Variants in KIF6 observed in about 807,000 individuals in gnomAD.
The protein encoded by KIF6 is kinesin-like protein KIF6.
In KIF6, 106 loss-of-function variants were observed where a neutral mutation model predicts 112.7. That is an observed-to-expected ratio of 0.94 (90% CI 0.80 to 1.11). The LOEUF is 1.11. Among genes scored for constraint, KIF6 ranks in the 50% least tolerant of loss-of-function variants. The pLI is 0.00. For synonymous variants in KIF6, 339 were observed against 339.9 expected (o/e 1.00, Z 0.03); for missense variants, 929 against 964.0 (o/e 0.96, Z 0.48).
At chr6:39,689,806 T>C (rs1788082411) in intron 3 of KIF6, among the ~76,000 whole-genome samples, 1 of 152,134 alleles carries the variant, frequency 6.6e-6, no homozygotes, top group Admixed American at 6.5e-5. Flanking sequence ...TGTCTTGCTA[T>C]GTTGCCCAGG....
At chr6:39,389,109 T>C (rs1263343658) in intron 15 of KIF6, among the ~76,000 whole-genome samples, 2 of 152,180 alleles carry the variant, frequency 1.3e-5, no homozygotes, top group South Asian at 2.1e-4. Context: ...GAGCAGGGTA[T>C]GTGGAGGTGG....
At chr6:39,687,661 T>G (rs1275860202) in intron 3 of KIF6, among the ~76,000 whole-genome samples, 1 of 152,198 alleles carries the variant, frequency 6.6e-6, no homozygotes, top group Admixed American at 6.5e-5. Flanking sequence ...AGTATAAATA[T>G]TCCTAAAGCA....
chr6:39,642,353 A>G (rs921612130), intron 3 of KIF6, among the ~76,000 whole-genome samples: 2 of 152,282 alleles, frequency 1.3e-5, no homozygotes, highest in Admixed American at 1.3e-4. Flanking sequence ...TTTAACTTCA[A>G]CATTCCCAGC....
At chr6:39,704,748 G>A (rs909803517) in intron 3 of KIF6, among the ~76,000 whole-genome samples, 1 of 152,198 alleles carries the variant, frequency 6.6e-6, no homozygotes, top group Non-Finnish European at 1.5e-5. Flanking sequence ...CTTAGTCAAT[G>A]TGTTATATGG....
intron 10 of KIF6, among the ~76,000 whole-genome samples, chr6:39,565,192 A>C (rs1780214043): frequency 7.4e-6 from 1 of 134,910 alleles, no homozygotes; most frequent in Admixed American, 7.4e-5. Flanking sequence ...TGATCTATAC[A>C]GACAGTTATT....
At position 39,510,151 on chromosome 6, in the gene KIF6, C is replaced by T. The variant is rs572804790; in HGVS notation, c.1645+29852G>A. ...CACTGTCACCCAGGCTGGAGTGCAG[C>T]GGCATGATCTTGGCTCACTGCAAGC... On this transcript the variant is annotated intron_variant, in intron 13 of 22. Coordinates refer to ENST00000287152, the MANE Select transcript of KIF6 (RefSeq NM_145027.6). 6.7e-5 allele frequency among the ~76,000 whole-genome samples: 10 copies of T among 149,082 alleles called. No individual in the cohort carries two copies. In the South Asian group the frequency reaches 1.1e-3, roughly 16 times the overall value.
rs190636730 is a variant in KIF6, at chr6:39,447,986, C to T, written c.1646-16825G>A. On this transcript the variant is annotated intron_variant, in intron 13 of 22. Transcript: ENST00000287152. ...CTGCTACTGGTCAGCGGGCTGTGAG[C>T]GGCAGTGATACGTTTCTTCCTGGCT... Among the ~76,000 whole-genome samples, 13 of 152,190 alleles carry T rather than the reference C, an allele frequency of 8.5e-5. 1 individual carries two copies. In the East Asian group the frequency reaches 1.4e-3, roughly 16 times the overall value.
At chr6:39,631,423 T>G (rs1374011254) in intron 5 of KIF6, among the ~76,000 whole-genome samples, 1 of 152,120 alleles carries the variant, frequency 6.6e-6, no homozygotes, top group African/African-American at 2.4e-5. Context: ...TGTAGGATTT[T>G]GTAGATGCTC....
intron 5 of KIF6, among the ~76,000 whole-genome samples, chr6:39,621,728 T>G (rs981154729): frequency 2.0e-5 from 3 of 152,220 alleles, no homozygotes; most frequent in Admixed American, 1.3e-4. Flanking sequence ...TCCAAAAATG[T>G]TATACTGATT....
Position 39,342,471 on chromosome 6 carries a change from T to G in KIF6, c.2428+1238A>C. ...CCAGCACTAGTAGTAGTGCCTGGCA[T>G]AAGAAGGCACCCAACATATACAGTG... On this transcript the variant is annotated intron_variant, in intron 22 of 22. Transcript: ENST00000287152. The surrounding 1 kb of genome is among the most constrained non-coding windows in gnomAD (Gnocchi z 4.7). 6.6e-6 allele frequency among the ~76,000 whole-genome samples: 1 copy of G among 152,202 alleles called. No individual in the cohort carries two copies. The highest frequency in any genetic ancestry group is 1.9e-4 in the East Asian group (1 of 5,200).
intron 13 of KIF6, among the ~76,000 whole-genome samples, chr6:39,455,555 G>T (rs1283741366): frequency 6.6e-6 from 1 of 152,046 alleles, no homozygotes; most frequent in South Asian, 2.1e-4. Flanking sequence ...GAAGGCTTCA[G>T]ACGATCAAAT....
chr6:39,367,464 G>A (rs907001011), intron 16 of KIF6, among the ~76,000 whole-genome samples: 1 of 152,168 alleles, frequency 6.6e-6, no homozygotes, highest in Non-Finnish European at 1.5e-5. Flanking sequence ...TCTGTGGGGA[G>A]GCAGCTGCCT....
intron 3 of KIF6, among the ~76,000 whole-genome samples, chr6:39,643,677 C>T (rs908580071): frequency 5.9e-5 from 9 of 152,004 alleles, no homozygotes; most frequent in African/African-American, 2.2e-4. Context: ...TAACTCAAAA[C>T]GAATCACAGA....
In KIF6 at chr6:39,693,551, A is replaced by G. The variant is rs184478529; in HGVS notation, c.251+21141T>C. On this transcript the variant is annotated intron_variant, in intron 3 of 22. Coordinates refer to ENST00000287152, the MANE Select transcript of KIF6 (RefSeq NM_145027.6). The stretch of plus-strand genomic sequence containing the variant: ...CTACTATGAACATCTCTATGCACAT[A>G]AACTAGAAAATCTAGAGAAAATAGA... Among the ~76,000 whole-genome samples, 157 of 152,328 alleles carry G rather than the reference A, an allele frequency of 1.0e-3. 1 individual carries two copies. The highest frequency in any genetic ancestry group is 0.01 in the Middle Eastern group (3 of 294).
At chr6:39,555,626 T>C (rs1779663820) in intron 10 of KIF6, among the ~76,000 whole-genome samples, 1 of 152,064 alleles carries the variant, frequency 6.6e-6, no homozygotes, top group African/African-American at 2.4e-5. Context: ...CATTTACCTT[T>C]ATTTAGAGCC....
chr6:39,419,910 G>A lies in KIF6; in HGVS notation c.1810+38C>T, dbSNP rs369573612. ...ATGACCTGATTTTCACCAGGAAAAT[G>A]GTTTCTGAAAGAGGCTCACAGAATA... is the stretch of plus-strand genomic sequence containing the variant. On this transcript the variant is annotated intron_variant, in intron 15 of 22. Coordinates refer to ENST00000287152, the MANE Select transcript of KIF6 (RefSeq NM_145027.6). 31 of 1,554,454 alleles carry A rather than the reference G, an allele frequency of 2.0e-5. No homozygotes were observed. In the African/African-American group the frequency reaches 2.6e-4, roughly 13 times the overall value.
chr6:39,357,543 G>A (rs1480333018), intron 18 of KIF6, among the ~76,000 whole-genome samples, 169 bp from the exon 19 acceptor site: 1 of 151,652 alleles, frequency 6.6e-6, no homozygotes, highest in African/African-American at 2.4e-5. Flanking sequence ...CTGCCTTCTG[G>A]GTTCAAGCAA....
intron 2 of KIF6, among the ~76,000 whole-genome samples, chr6:39,715,145 A>T (rs1789759533): frequency 6.6e-6 from 1 of 152,270 alleles, no homozygotes; most frequent in Admixed American, 6.5e-5. Context: ...ACAGCCAAGG[A>T]ACTTCTAATA....
intron 15 of KIF6, 89 bp from the exon 16 acceptor site, chr6:39,385,761 A>G (rs780434593): frequency 2.6e-5 from 21 of 816,048 alleles, no homozygotes; most frequent in Non-Finnish European, 2.7e-5. Flanking sequence ...CTACAGAAAA[A>G]AAAAAAAAAA....
Sources: allele counts gnomAD v4.1 joint callset (sites outside exome capture counted in the v4.1 genomes callset), GRCh38; gene constraint gnomAD v4.1.1; non-coding constraint Gnocchi (gnomAD v3.1); transcripts MANE v1.5; gene names NCBI Gene and HGNC (gene_info 2026-07-23, HGNC 2026-07-21).